The following USP40 variants were observed in gnomAD, a reference collection of about 807,000 sequenced individuals.
USP40 encodes the protein ubiquitin specific peptidase 40.
Under a neutral mutation model 166.2 loss-of-function variants are expected in USP40, and 143 were observed. The observed-to-expected ratio is 0.86, with a 90% CI of 0.75 to 0.99. The LOEUF (loss-of-function observed/expected upper bound fraction) is 0.99. Among genes scored for constraint, USP40 ranks in the 50% least tolerant of loss-of-function variants. USP40 has a pLI of 0.00. For synonymous variants in USP40, 498 were observed against 524.0 expected (o/e 0.95, Z 0.68); for missense variants, 1,444 against 1,479.7 (o/e 0.98, Z 0.40).
chr2:233,486,093 AT>A lies in USP40; in HGVS notation c.3198-117del. ...GCTTTTCTGGTTTTTATAAGGAGAG[AT>A]TTTTCCCTAAATGCTGGATGCTAGT... On this transcript the variant is annotated intron_variant, in intron 28 of 31. Coordinates refer to ENST00000678225, the MANE Select transcript of USP40 (RefSeq NM_001365479.2). This position sits in a 1 kb window ranked among gnomAD's most constrained non-coding sequence, Gnocchi z 4.0. 1.7e-6 allele frequency: 2 copies of A among 1,149,118 alleles called. No homozygotes were observed. Among genetic ancestry groups the A allele is most frequent in the Non-Finnish European group, 2.4e-6 (2 of 828,554 alleles). 71.2% of individuals were successfully genotyped at this position (1,149,118 alleles called of 1,614,324 possible).
At position 233,493,306 on chromosome 2, in the gene USP40, C is replaced by A; in HGVS notation, c.2917+119G>T. On this transcript the variant is annotated intron_variant, in intron 25 of 31. Coordinates refer to ENST00000678225, the MANE Select transcript of USP40 (RefSeq NM_001365479.2). The surrounding 1 kb of genome is among the most constrained non-coding windows in gnomAD (Gnocchi z 4.7). ...GGAATGACTTATGAAATTAATAGGTCTTGATTTTCAAGATCTTACGTTTTA... is the reference window on the plus strand; with the variant it reads ...GGAATGACTTATGAAATTAATAGGTATTGATTTTCAAGATCTTACGTTTTA... 1 of 1,404,474 alleles carries A rather than the reference C, an allele frequency of 7.1e-7. No individual in the cohort carries two copies. Among genetic ancestry groups the A allele is most frequent in the South Asian group, 1.3e-5 (1 of 76,718 alleles). 87.0% of individuals were successfully genotyped at this position (1,404,474 alleles called of 1,614,324 possible).
chr2:233,529,284 A>G (rs2068304162), intron 12 of USP40, 147 bp downstream of exon 12: 1 of 599,864 alleles, frequency 1.7e-6, no homozygotes, highest in Non-Finnish European at 2.8e-6. Context: ...TACCCTCACT[A>G]TAAAAATTCA....
intron 3 of USP40, chr2:233,561,113 AT>A (rs561449258): frequency 6.5e-7 from 1 of 1,545,770 alleles, no homozygotes; most frequent in South Asian, 1.2e-5. Context: ...TTTAAAAAAA[AT>A]TTTCTGAATA....
intron 12 of USP40, among the ~76,000 whole-genome samples, chr2:233,528,899 G>A (rs2068268155): frequency 6.6e-6 from 1 of 152,134 alleles, no homozygotes; most frequent in South Asian, 2.1e-4. Flanking sequence ...AGAGAATGCT[G>A]AGATCATAAA....
chr2:233,536,399 G>T (rs1449467628), intron 10 of USP40, among the ~76,000 whole-genome samples: 1 of 152,066 alleles, frequency 6.6e-6, no homozygotes, highest in Non-Finnish European at 1.5e-5. Flanking sequence ...ACAGATCTCT[G>T]GAAATTGTCC....
At chr2:233,527,386 G>A (rs369037712) in intron 13 of USP40, 21 bp downstream of exon 13, 274 of 1,608,738 alleles carry the variant, frequency 1.7e-4, no homozygotes, top group Non-Finnish European at 2.2e-4. Flanking sequence ...TCTGAATTAA[G>A]AGGAAGTAAG....
intron 18 of USP40, among the ~76,000 whole-genome samples, chr2:233,513,244 G>A (rs2066952748): frequency 6.6e-6 from 1 of 152,124 alleles, no homozygotes; most frequent in Non-Finnish European, 1.5e-5. Context: ...TTGAGTGACT[G>A]CAGGGTCAAC....
At chr2:233,559,204 C>T (rs74432143) in intron 4 of USP40, among the ~76,000 whole-genome samples, 1,532 of 152,214 alleles carry the variant, frequency 0.01, 28 homozygotes, top group African/African-American at 0.035. Flanking sequence ...AGTAGAATGC[C>T]TTTTAGAACT....
At chr2:233,525,345 A>T in intron 14 of USP40, 133 bp downstream of exon 14, 1 of 529,914 alleles carries the variant, frequency 1.9e-6, no homozygotes, top group Non-Finnish European at 3.4e-6. Flanking sequence ...GAAAACTTAC[A>T]GTGTGAAGAT....
At chr2:233,560,035 G>T in intron 3 of USP40, 111 bp from the exon 4 acceptor site, 1 of 618,662 alleles carries the variant, frequency 1.6e-6, no homozygotes, top group African/African-American at 1.9e-5. Context: ...TCAGGAGAAA[G>T]TTTATAAATA....
intron 21 of USP40, 124 bp downstream of exon 21, chr2:233,509,925 C>A: frequency 6.6e-6 from 4 of 602,654 alleles, no homozygotes; most frequent in East Asian, 7.6e-5. Context: ...ACATATAATT[C>A]TCTGAAGTAC....
intron 18 of USP40, among the ~76,000 whole-genome samples, chr2:233,518,816 C>T (rs1248049894): frequency 1.3e-5 from 2 of 152,054 alleles, no homozygotes; most frequent in East Asian, 3.9e-4. Flanking sequence ...TTCATAGTGG[C>T]ATTATTCATA....
chr2:233,503,735 T>C (rs539711558), intron 21 of USP40, among the ~76,000 whole-genome samples: 4 of 152,260 alleles, frequency 2.6e-5, no homozygotes, highest in Admixed American at 2.6e-4. Context: ...AAGGAATTTA[T>C]CACCACTAGA....
intron 14 of USP40, among the ~76,000 whole-genome samples, chr2:233,524,934 A>G (rs1279634578): frequency 6.6e-6 from 1 of 152,220 alleles, no homozygotes; most frequent in African/African-American, 2.4e-5. Flanking sequence ...TATGAAATGG[A>G]GATAAAAGAA....
At chr2:233,512,653 G>GTATATT (rs771961065) in intron 18 of USP40, 31 bp from the exon 19 acceptor site, 27 of 1,315,488 alleles carry the variant, frequency 2.1e-5, no homozygotes, top group East Asian at 2.6e-5. Context: ...ATTTTTCTTA[G>GTATATT]AGAGCTAGGA....
chr2:233,517,812 GT>G, intron 18 of USP40, among the ~76,000 whole-genome samples: 1 of 151,790 alleles, frequency 6.6e-6, no homozygotes, highest in South Asian at 2.1e-4. Flanking sequence ...GTGTGTGTGT[GT>G]GTGTGTGTGT....
In USP40 at chr2:233,549,061, G is replaced by A. The variant is rs1473234169; in HGVS notation, c.966+40C>T. ...TCAACAAAATAATAGGAATAGAAAA[G>A]AAATTGCAAAGATATTTCTAAACGA... On this transcript the variant is annotated intron_variant, in intron 8 of 31. Transcript: ENST00000678225. 2.6e-6 allele frequency: 4 copies of A among 1,554,322 alleles called. No homozygotes were observed. The Admixed American group carries it at 8.1e-5, about 31-fold the overall frequency.
chr2:233,488,644 G>C (rs1002798136), intron 27 of USP40, among the ~76,000 whole-genome samples: 2 of 152,226 alleles, frequency 1.3e-5, no homozygotes, highest in Non-Finnish European at 2.9e-5. Flanking sequence ...GCCAGGCACA[G>C]TGGCTCACGC....
Position 233,561,702 on chromosome 2 carries a change from G to A in USP40, c.267+1034C>T, listed in dbSNP as rs538153250. ...AACACCAAAAGCAATGGCAACCAAA[G>A]ACAAAATTGACAAATGGGATCTAAT... On this transcript the variant is annotated intron_variant, in intron 3 of 31. Transcript: ENST00000678225. Among the ~76,000 whole-genome samples, 147 of 151,342 alleles carry A rather than the reference G, an allele frequency of 9.7e-4. 1 individual carries two copies. Among genetic ancestry groups the A allele is most frequent in the Admixed American group, 1.8e-3 (28 of 15,252 alleles).
Sources: gnomAD v4.1 joint callset for allele counts (sites outside exome capture counted in the v4.1 genomes callset) on GRCh38, gnomAD v4.1.1 for gene constraint, Gnocchi (gnomAD v3.1) non-coding constraint, MANE v1.5 for transcripts, NCBI Gene and HGNC (gene_info 2026-07-23, HGNC 2026-07-21) for gene names.